The following SLC25A40 variants were observed in gnomAD, a reference collection of about 807,000 sequenced individuals.
The protein encoded by SLC25A40 is solute carrier family 25 member 40.
In SLC25A40, 41 loss-of-function variants were observed where a neutral mutation model predicts 46.5. The ratio of observed to expected loss-of-function variants is 0.88; its 90% CI spans 0.69 to 1.14. The LOEUF (loss-of-function observed/expected upper bound fraction) is 1.14, where lower values mean the gene tolerates loss of function less well. SLC25A40 is among the 50% of genes most tolerant of loss of function. SLC25A40 has a pLI of 0.00. For synonymous variants in SLC25A40, 126 were observed against 127.5 expected, an observed-to-expected ratio of 0.99 and a Z score of 0.08; for missense variants, 386 against 393.6, an observed-to-expected ratio of 0.98 and a Z score of 0.16.
At chr7:87,867,883 C>T (rs971292080) in intron 1 of SLC25A40, among the ~76,000 whole-genome samples, 7 of 152,218 alleles carry the variant, frequency 4.6e-5, no homozygotes, top group Non-Finnish European at 8.8e-5. Flanking sequence ...GGGGAAATCA[C>T]AGAGAATGTA....
chr7:87,875,210 C>G (rs1253387509), intron 1 of SLC25A40, among the ~76,000 whole-genome samples: 3 of 152,210 alleles, frequency 2.0e-5, no homozygotes, highest in Non-Finnish European at 2.9e-5. Context: ...CTTCCCATGT[C>G]CACTTCTGCT....
intron 1 of SLC25A40, among the ~76,000 whole-genome samples, chr7:87,869,264 G>A (rs1034333311): frequency 1.3e-5 from 2 of 152,138 alleles, no homozygotes; most frequent in Admixed American, 1.3e-4. Context: ...GGTGGCTCAT[G>A]CCTGTATTCC....
intron 7 of SLC25A40, among the ~76,000 whole-genome samples, chr7:87,847,647 T>C (rs1197418969): frequency 6.6e-6 from 1 of 152,178 alleles, no homozygotes; most frequent in East Asian, 1.9e-4. Context: ...TTGACCAAAA[T>C]AGGCTGAGCC....
At chr7:87,852,320 G>A (rs530192618) in intron 5 of SLC25A40, among the ~76,000 whole-genome samples, 60 of 152,258 alleles carry the variant, frequency 3.9e-4, no homozygotes, top group African/African-American at 1.4e-3. Flanking sequence ...TGTGTCTCAC[G>A]CCGGTATCTC....
intron 1 of SLC25A40, among the ~76,000 whole-genome samples, chr7:87,866,662 A>G (rs556330138): frequency 6.6e-6 from 1 of 152,190 alleles, no homozygotes; most frequent in Non-Finnish European, 1.5e-5. Context: ...GGCATTCCAC[A>G]GGTTGCTCAG....
chr7:87,840,547 T>C (rs745689487), intron 10 of SLC25A40, among the ~76,000 whole-genome samples: 2 of 151,716 alleles, frequency 1.3e-5, no homozygotes, highest in East Asian at 1.9e-4. Context: ...CAAAAAGAAA[T>C]TGGTGAAATC....
intron 1 of SLC25A40, among the ~76,000 whole-genome samples, chr7:87,874,430 A>G (rs1838945779): frequency 6.6e-6 from 1 of 152,168 alleles, no homozygotes; most frequent in South Asian, 2.1e-4. Flanking sequence ...TACAATAACA[A>G]ATTTTTTTGA....
intron 6 of SLC25A40, among the ~76,000 whole-genome samples, chr7:87,848,945 C>T (rs775116622): frequency 6.6e-6 from 1 of 152,154 alleles, no homozygotes; most frequent in Non-Finnish European, 1.5e-5. Context: ...CTCAAATTGA[C>T]TAATTTCCTC....
chr7:87,863,233 A>G (rs1838735335), intron 1 of SLC25A40, among the ~76,000 whole-genome samples: 1 of 152,162 alleles, frequency 6.6e-6, no homozygotes, highest in Non-Finnish European at 1.5e-5. Flanking sequence ...TCCCCACCCA[A>G]ATCACATCTT....
At chr7:87,867,842 T>C (rs1838828145) in intron 1 of SLC25A40, among the ~76,000 whole-genome samples, 1 of 152,234 alleles carries the variant, frequency 6.6e-6, no homozygotes, top group Non-Finnish European at 1.5e-5. Flanking sequence ...TCAGCTTTAG[T>C]AAGCAATCTA....
At chr7:87,847,427 C>T (rs1035757281) in intron 7 of SLC25A40, among the ~76,000 whole-genome samples, 2 of 152,192 alleles carry the variant, frequency 1.3e-5, no homozygotes, top group Non-Finnish European at 2.9e-5. Flanking sequence ...ATTCCAGTTA[C>T]TGCCCCAATA....
At position 87,834,581 on chromosome 7, in the gene SLC25A40, A is replaced by ATACT. The variant is rs1356828293; in HGVS notation, c.*1664_*1667dup. ...GGTAGGAGACATGGAAACCTTTCTCATACTTATAGGTGATATTAAACTGAA... is the reference window on the plus strand; with the variant it reads ...GGTAGGAGACATGGAAACCTTTCTCATACTTACTTATAGGTGATATTAAACTGAA... On this transcript the variant is annotated 3_prime_UTR_variant, in exon 12 of 12. Coordinates refer to ENST00000341119, the MANE Select transcript of SLC25A40 (RefSeq NM_018843.4). The ATACT allele has an allele frequency of 6.6e-6, 1 of 151,626 alleles. No individual in the cohort carries two copies. Among genetic ancestry groups the ATACT allele is most frequent in the Non-Finnish European group, 1.5e-5 (1 of 67,702 alleles). The allele number at this position is 151,626 out of a possible 1,614,324, so 9.4% of individuals were successfully genotyped here. A position where few individuals can be genotyped will look rare whatever the true frequency, so the allele number is the denominator to read the frequency against.
chr7:87,843,247 T>A (rs1838360280), intron 9 of SLC25A40, among the ~76,000 whole-genome samples: 1 of 152,054 alleles, frequency 6.6e-6, no homozygotes, highest in Non-Finnish European at 1.5e-5. Context: ...TACAGGAAGG[T>A]GTGGAAAAAG....
chr7:87,840,256 G>GAT (rs1303175787), intron 10 of SLC25A40, among the ~76,000 whole-genome samples: 6 of 151,744 alleles, frequency 4.0e-5, no homozygotes, highest in African/African-American at 7.2e-5. Flanking sequence ...TCTCAATGAA[G>GAT]ATATATATCA....
At chr7:87,866,651 C>G (rs867437027) in intron 1 of SLC25A40, among the ~76,000 whole-genome samples, 3 of 152,156 alleles carry the variant, frequency 2.0e-5, no homozygotes, top group Non-Finnish European at 4.4e-5. Flanking sequence ...AACCGCTCAG[C>G]GGCATTCCAC....
chr7:87,847,991 C>T lies in SLC25A40; in HGVS notation c.333-14G>A, dbSNP rs1182796269. 6.3e-7 allele frequency: 1 copy of T among 1,589,740 alleles called. No individual in the cohort carries two copies. The highest frequency in any genetic ancestry group is 1.9e-5 in the Admixed American group (1 of 53,630). Reference sequence around the variant, plus strand: ...ACTGCCATCACTCTGTTAGATCACACAAAAAGATTTGTTCAAAATTATCAA... The same window carrying T: ...ACTGCCATCACTCTGTTAGATCACATAAAAAGATTTGTTCAAAATTATCAA... On this transcript the variant is annotated splice_polypyrimidine_tract_variant and intron_variant, in intron 6 of 11. Coordinates refer to ENST00000341119, the MANE Select transcript of SLC25A40 (RefSeq NM_018843.4).
chr7:87,836,716 G>GC lies in SLC25A40; in HGVS notation c.904+13dup, dbSNP rs1331930079. 1 of 1,473,692 alleles carries GC rather than the reference G, an allele frequency of 6.8e-7. No individual in the cohort carries two copies. The highest frequency in any genetic ancestry group is 9.2e-7 in the Non-Finnish European group (1 of 1,091,064). The allele number at this position is 1,473,692 out of a possible 1,614,324, so 91.3% of individuals were successfully genotyped here. ...TCATTCTATTCAATGATTCGGTAAAGCAAGTATTTTTACCTGAAAATAATC... is the reference window on the plus strand; with the variant it reads ...TCATTCTATTCAATGATTCGGTAAAGCCAAGTATTTTTACCTGAAAATAATC... On this transcript the variant is annotated intron_variant, in intron 11 of 11. Transcript: ENST00000341119.
At chr7:87,846,387 G>A (rs1048147548) in intron 8 of SLC25A40, among the ~76,000 whole-genome samples, 2 of 152,140 alleles carry the variant, frequency 1.3e-5, no homozygotes, top group African/African-American at 4.8e-5. Flanking sequence ...CAAGGGAAAT[G>A]CCACTAAAGT....
chr7:87,865,587 A>G (rs1838780808), intron 1 of SLC25A40, among the ~76,000 whole-genome samples: 2 of 152,174 alleles, frequency 1.3e-5, no homozygotes, highest in Non-Finnish European at 2.9e-5. Context: ...CCTGGCCAAG[A>G]GGGCGAAACC....
Sources: gnomAD v4.1 joint callset for allele counts (sites outside exome capture counted in the v4.1 genomes callset) on GRCh38, gnomAD v4.1.1 for gene constraint, MANE v1.5 for transcripts, NCBI Gene and HGNC (gene_info 2026-07-23, HGNC 2026-07-21) for gene names.